Variants in SLC10A7 observed in about 807,000 individuals in gnomAD.
SLC10A7 encodes solute carrier family 10 member 7, also known as sodium/bile acid cotransporter 7.
Under a neutral mutation model 43.2 loss-of-function variants are expected in SLC10A7, and 29 were observed. That is an observed-to-expected ratio of 0.67 (90% CI 0.50 to 0.92). The LOEUF is 0.92. Among genes scored for constraint, SLC10A7 ranks in the 40% least tolerant of loss-of-function variants. The probability of loss-of-function intolerance (pLI) is 0.00; values close to 1 mark genes in which losing one functional copy is unlikely to be tolerated. For missense variants in SLC10A7, 295 were observed against 403.2 expected, an observed-to-expected ratio of 0.73 and a Z score of 2.30; for synonymous variants, 152 against 144.8, an observed-to-expected ratio of 1.05 and a Z score of -0.35.
chr4:146,454,929 A>AT (rs1278291180), intron 4 of SLC10A7, among the ~76,000 whole-genome samples: 1 of 151,826 alleles, frequency 6.6e-6, no homozygotes, highest in Non-Finnish European at 1.5e-5. Flanking sequence ...AATATCTAAG[A>AT]TTTTTATTGT....
At position 146,303,624 on chromosome 4, in the gene SLC10A7, C is replaced by G. The variant is rs571300176; in HGVS notation, c.555+2302G>C. ...CGAACTCCTGACCTCAGGTGATCCG[C>G]CCATCTCAGCCTTGCAAAGTGCTGG... On this transcript the variant is annotated intron_variant, in intron 7 of 11. Transcript: ENST00000335472. Among the ~76,000 whole-genome samples, 4 of 152,264 alleles carry G rather than the reference C, an allele frequency of 2.6e-5. No homozygotes were observed. The South Asian group carries it at 8.3e-4, about 32-fold the overall frequency.
intron 5 of SLC10A7, among the ~76,000 whole-genome samples, chr4:146,415,042 T>C (rs1728471275): frequency 6.6e-6 from 1 of 152,040 alleles, no homozygotes; most frequent in African/African-American, 2.4e-5. Flanking sequence ...TTCCAGGAAA[T>C]AAAAAGCTAA....
intron 5 of SLC10A7, among the ~76,000 whole-genome samples, chr4:146,428,159 A>C (rs561445523): frequency 1.3e-5 from 2 of 152,294 alleles, no homozygotes; most frequent in Non-Finnish European, 2.9e-5. Flanking sequence ...AACTTTGGCA[A>C]TGAAACAAGA....
chr4:146,263,226 T>C (rs2111002969), intron 10 of SLC10A7, among the ~76,000 whole-genome samples: 1 of 152,348 alleles, frequency 6.6e-6, no homozygotes, highest in South Asian at 2.1e-4. Flanking sequence ...CTTTAGATCC[T>C]TTCCACTCCA....
intron 1 of SLC10A7, among the ~76,000 whole-genome samples, chr4:146,520,369 G>A (rs1157593793): frequency 6.6e-6 from 1 of 152,192 alleles, no homozygotes; most frequent in Admixed American, 6.5e-5. Flanking sequence ...CAATCAGAGG[G>A]AGAAACCACC....
intron 5 of SLC10A7, among the ~76,000 whole-genome samples, chr4:146,427,945 A>AT (rs990826522): frequency 1.9e-4 from 29 of 152,084 alleles, no homozygotes; most frequent in African/African-American, 6.3e-4. Context: ...TTGAGGCAGG[A>AT]TAATTGCTTG....
intron 4 of SLC10A7, among the ~76,000 whole-genome samples, chr4:146,445,346 G>T (rs1481151154): frequency 1.3e-5 from 2 of 152,142 alleles, no homozygotes; most frequent in Non-Finnish European, 2.9e-5. Context: ...TTACAGGAGC[G>T]AGCACACAAG....
chr4:146,349,252 G>GA (rs976736662), intron 5 of SLC10A7, among the ~76,000 whole-genome samples: 14 of 151,702 alleles, frequency 9.2e-5, no homozygotes, highest in African/African-American at 2.2e-4. Flanking sequence ...AAAAATACAT[G>GA]AAAAAAAATG....
In SLC10A7 at chr4:146,258,676, C is replaced by A. The variant is rs372205927; in HGVS notation, c.993+16G>T. 1.1e-5 allele frequency: 17 copies of A among 1,569,850 alleles called. No individual in the cohort carries two copies. Among genetic ancestry groups the A allele is most frequent in the Non-Finnish European group, 1.5e-5 (17 of 1,166,854 alleles). On this transcript the variant is annotated intron_variant, in intron 11 of 11. Coordinates refer to ENST00000335472, the MANE Select transcript of SLC10A7 (RefSeq NM_001029998.6). Reference sequence around the variant, plus strand: ...AATCTAACTTGGATCCAAATAAGATCTTTCTGGGGACTCACCTTCTGCCTT... The same window carrying A: ...AATCTAACTTGGATCCAAATAAGATATTTCTGGGGACTCACCTTCTGCCTT...
At chr4:146,421,240 G>A (rs1728943332) in intron 5 of SLC10A7, among the ~76,000 whole-genome samples, 1 of 152,002 alleles carries the variant, frequency 6.6e-6, no homozygotes, top group African/African-American at 2.4e-5. Context: ...CCAGTATCAG[G>A]TCCTTGCATA....
chr4:146,352,641 G>A, intron 5 of SLC10A7, among the ~76,000 whole-genome samples: 2 of 128,652 alleles, frequency 1.6e-5, no homozygotes, highest in Admixed American at 8.0e-5. Flanking sequence ...TGGAAGTAAA[G>A]CTCTCCTCAG....
At chr4:146,432,439 T>C (rs1428155131) in intron 5 of SLC10A7, among the ~76,000 whole-genome samples, 1 of 152,176 alleles carries the variant, frequency 6.6e-6, no homozygotes, top group African/African-American at 2.4e-5. Context: ...TAACTACTGA[T>C]ATATACAACA....
intron 5 of SLC10A7, among the ~76,000 whole-genome samples, chr4:146,329,836 A>C (rs138658475): frequency 1.6e-3 from 251 of 152,326 alleles, no homozygotes; most frequent in African/African-American, 5.8e-3. Flanking sequence ...AATTAAATAA[A>C]CATGTTATTT....
At chr4:146,385,094 T>C (rs1205163097) in intron 5 of SLC10A7, among the ~76,000 whole-genome samples, 9 of 152,138 alleles carry the variant, frequency 5.9e-5, no homozygotes, top group Non-Finnish European at 1.2e-4. Context: ...TTAGTATTTT[T>C]TCTCTTCCCC....
At chr4:146,510,566 T>G (rs750806718) in intron 2 of SLC10A7, among the ~76,000 whole-genome samples, 23 of 152,112 alleles carry the variant, frequency 1.5e-4, no homozygotes, top group Non-Finnish European at 3.1e-4. Flanking sequence ...GCCTAAAATT[T>G]TTTAAATGTT....
chr4:146,319,328 C>T (rs1013168783), intron 6 of SLC10A7, among the ~76,000 whole-genome samples: 2 of 152,056 alleles, frequency 1.3e-5, no homozygotes, highest in African/African-American at 4.8e-5. Flanking sequence ...AACACTCTAT[C>T]CCTAGAAGGC....
rs137893776 is a variant in SLC10A7 at position 146,344,135 on chromosome 4, G to C, written c.436-18139C>G. Reference sequence around the variant, plus strand: ...AATCAGTTCTTGAAAGATAAACACAGTTAAGTTGCAGTATCTAAGTGGGTC... The same window carrying C: ...AATCAGTTCTTGAAAGATAAACACACTTAAGTTGCAGTATCTAAGTGGGTC... On this transcript the variant is annotated intron_variant, in intron 5 of 11. Coordinates refer to ENST00000335472, the MANE Select transcript of SLC10A7 (RefSeq NM_001029998.6). 7.0e-3 allele frequency among the ~76,000 whole-genome samples: 1,062 copies of C among 152,106 alleles called. 18 individuals are homozygous for C. The highest frequency in any genetic ancestry group is 0.024 in the African/African-American group (999 of 41,526).
At chr4:146,320,624 G>A (rs951603871) in intron 6 of SLC10A7, among the ~76,000 whole-genome samples, 2 of 152,030 alleles carry the variant, frequency 1.3e-5, no homozygotes, top group African/African-American at 2.4e-5. Context: ...GCTTGCTGGA[G>A]AAGAGTTCAA....
intron 10 of SLC10A7, among the ~76,000 whole-genome samples, chr4:146,273,813 G>A (rs1004830366): frequency 3.9e-5 from 6 of 151,998 alleles, no homozygotes; most frequent in Non-Finnish European, 8.8e-5. Flanking sequence ...CCCTCCCGCC[G>A]ATGCTGCCCA....
Sources: allele counts gnomAD v4.1 joint callset (sites outside exome capture counted in the v4.1 genomes callset), GRCh38; gene constraint gnomAD v4.1.1; transcripts MANE v1.5; gene names NCBI Gene and HGNC (gene_info 2026-07-23, HGNC 2026-07-21).